The following CHN1 variants were observed in gnomAD, a reference collection of about 807,000 sequenced individuals.
CHN1 encodes the protein N-chimaerin.
In CHN1, 37 loss-of-function variants were observed where a neutral mutation model predicts 59.5. That is an observed-to-expected ratio of 0.62 (90% CI 0.48 to 0.82). CHN1 has a LOEUF of 0.82. Ranked by LOEUF, CHN1 falls within the 40% of genes least tolerant of loss-of-function variation. The pLI is 0.00. For missense variants in CHN1, 469 were observed against 571.0 expected, an observed-to-expected ratio of 0.82 and a Z score of 1.82; for synonymous variants, 206 against 200.4, an observed-to-expected ratio of 1.03 and a Z score of -0.24.
chr2:174,956,675 GC>G (rs1690214082), intron 1 of CHN1, among the ~76,000 whole-genome samples: 1 of 151,868 alleles, frequency 6.6e-6, no homozygotes, highest in East Asian at 1.9e-4. Context: ...GGAGGCTGAG[GC>G]AGGGAGAACT....
At chr2:174,846,838 GTAATATGCATT>G in intron 7 of CHN1, 31 bp downstream of exon 7, 1 of 1,464,164 alleles carries the variant, frequency 6.8e-7, no homozygotes. Flanking sequence ...TATATTTCAA[GTAATATGCATT>G]TCTTAAAAGA....
chr2:174,929,103 C>G (rs1689256847), intron 3 of CHN1, among the ~76,000 whole-genome samples: 1 of 152,214 alleles, frequency 6.6e-6, no homozygotes, highest in Admixed American at 6.5e-5. Flanking sequence ...CCCAGTGCTA[C>G]AGCATTCTAG....
intron 6 of CHN1, among the ~76,000 whole-genome samples, chr2:174,871,642 G>T (rs948289990): frequency 6.6e-6 from 1 of 151,958 alleles, no homozygotes; most frequent in African/African-American, 2.4e-5. Context: ...TGGTCTGCTG[G>T]GCTATGATAA....
At chr2:174,895,324 C>T (rs531838901) in intron 5 of CHN1, among the ~76,000 whole-genome samples, 2 of 151,480 alleles carry the variant, frequency 1.3e-5, no homozygotes, top group Admixed American at 6.6e-5. Context: ...TTATGTTAAG[C>T]AAAATAAGCC....
intron 3 of CHN1, among the ~76,000 whole-genome samples, chr2:174,935,324 C>A (rs563562808): frequency 1.3e-5 from 2 of 152,188 alleles, no homozygotes; most frequent in African/African-American, 2.4e-5. Context: ...CAGATGGTAG[C>A]CCCTCCAAGA....
At chr2:174,849,808 G>A (rs906286670) in intron 6 of CHN1, among the ~76,000 whole-genome samples, 1 of 152,162 alleles carries the variant, frequency 6.6e-6, no homozygotes, top group Non-Finnish European at 1.5e-5. Flanking sequence ...GAGGCCTACA[G>A]TTTACTTCCC....
At chr2:174,986,206 A>G (rs1691335046) in intron 1 of CHN1, among the ~76,000 whole-genome samples, 1 of 152,200 alleles carries the variant, frequency 6.6e-6, no homozygotes, top group Non-Finnish European at 1.5e-5. Context: ...AGAAATTTAA[A>G]AAGCACCTAC....
At chr2:174,848,549 T>G (rs1212200758) in intron 6 of CHN1, among the ~76,000 whole-genome samples, 1 of 152,170 alleles carries the variant, frequency 6.6e-6, no homozygotes, top group Non-Finnish European at 1.5e-5. Flanking sequence ...TAAAATTCTA[T>G]GTATTTAAAT....
chr2:174,848,740 A>C (rs1686627711), intron 6 of CHN1, among the ~76,000 whole-genome samples: 1 of 152,170 alleles, frequency 6.6e-6, no homozygotes, highest in African/African-American at 2.4e-5. Flanking sequence ...TGTTTACTTC[A>C]GTCTTTAGTC....
intron 11 of CHN1, 27 bp downstream of exon 11, chr2:174,808,878 A>T (rs1558931957): frequency 6.2e-7 from 1 of 1,611,610 alleles, no homozygotes; most frequent in Non-Finnish European, 8.5e-7. Flanking sequence ...TTGTCAGGTT[A>T]TTTGAAATAC....
intron 5 of CHN1, among the ~76,000 whole-genome samples, chr2:174,913,040 AAG>A (rs989462645): frequency 6.6e-6 from 1 of 152,198 alleles, no homozygotes; most frequent in Non-Finnish European, 1.5e-5. Flanking sequence ...AGGAATGAGA[AAG>A]AGATATGAAG....
At chr2:174,808,833 G>T in intron 11 of CHN1, 72 bp downstream of exon 11, 1 of 1,516,836 alleles carries the variant, frequency 6.6e-7, no homozygotes, top group Non-Finnish European at 9.1e-7. Context: ...ATTCAAGTTA[G>T]CCAGAAAACC....
At chr2:174,856,972 G>A (rs1397965477) in intron 6 of CHN1, among the ~76,000 whole-genome samples, 1 of 152,092 alleles carries the variant, frequency 6.6e-6, no homozygotes, top group Admixed American at 6.6e-5. Context: ...TATTCCTTAA[G>A]CGGAGACAAA....
At chr2:174,969,125 T>C (rs1275148465) in intron 1 of CHN1, among the ~76,000 whole-genome samples, 1 of 152,196 alleles carries the variant, frequency 6.6e-6, no homozygotes, top group African/African-American at 2.4e-5. Flanking sequence ...CCCAAGGGTT[T>C]TGGATAAGGG....
At chr2:174,962,141 C>T (rs1055609734) in intron 1 of CHN1, among the ~76,000 whole-genome samples, 4 of 151,908 alleles carry the variant, frequency 2.6e-5, no homozygotes, top group Non-Finnish European at 4.4e-5. Flanking sequence ...GAAAATTAGC[C>T]GGGCGGGGTG....
At chr2:174,864,128 T>C (rs1687145365) in intron 6 of CHN1, among the ~76,000 whole-genome samples, 1 of 152,136 alleles carries the variant, frequency 6.6e-6, no homozygotes, top group Admixed American at 6.5e-5. Flanking sequence ...TTTGTTTGCT[T>C]CTGTTTTCTT....
chr2:174,840,629 T>C (rs1431857984), intron 7 of CHN1, among the ~76,000 whole-genome samples: 2 of 152,142 alleles, frequency 1.3e-5, no homozygotes, highest in African/African-American at 4.8e-5. Flanking sequence ...GCTTGATAAA[T>C]ACTTGAGGGA....
At chr2:174,832,940 G>C (rs1481930764) in intron 7 of CHN1, among the ~76,000 whole-genome samples, 1 of 152,042 alleles carries the variant, frequency 6.6e-6, no homozygotes, top group Non-Finnish European at 1.5e-5. Context: ...AGAAAAGACA[G>C]GGTAAAAATA....
intron 5 of CHN1, among the ~76,000 whole-genome samples, chr2:174,902,822 A>G (rs1366741518): frequency 2.0e-5 from 3 of 152,222 alleles, no homozygotes; most frequent in African/African-American, 7.2e-5. Flanking sequence ...TAAAACTGCA[A>G]AAGCCCCTTT....
Sources: gnomAD v4.1 joint callset for allele counts (sites outside exome capture counted in the v4.1 genomes callset) on GRCh38, gnomAD v4.1.1 for gene constraint, MANE v1.5 for transcripts, NCBI Gene and HGNC (gene_info 2026-07-23, HGNC 2026-07-21) for gene names.